KCNH1: variants seen among roughly 807,000 people sequenced by gnomAD.
The protein encoded by KCNH1 is voltage-gated delayed rectifier potassium channel KCNH1.
A neutral mutation model predicts 69.2 loss-of-function variants in KCNH1; 27 were observed. That is an observed-to-expected ratio of 0.39 (90% CI 0.29 to 0.54). The LOEUF is 0.54. KCNH1 is among the 20% of genes least tolerant of loss of function. KCNH1 has a pLI of 0.68. For synonymous variants in KCNH1, 456 were observed against 487.7 expected (o/e 0.93, Z 0.86); for missense variants, 798 against 1,261.6 (o/e 0.63, Z 5.57).
At chr1:211,104,662 A>C (rs1571649957) in intron 2 of KCNH1, among the ~76,000 whole-genome samples, 1 of 152,172 alleles carries the variant, frequency 6.6e-6, no homozygotes. Context: ...TGGAATGTCC[A>C]GTTCTCTGAC....
intron 6 of KCNH1, among the ~76,000 whole-genome samples, chr1:210,945,500 G>A (rs571707215): frequency 6.6e-6 from 1 of 152,352 alleles, no homozygotes; most frequent in African/African-American, 2.4e-5. Flanking sequence ...TTCAGGATGT[G>A]TAGGAGGCCA....
chr1:210,780,278 G>A (rs1344846937), intron 9 of KCNH1, among the ~76,000 whole-genome samples: 1 of 152,174 alleles, frequency 6.6e-6, no homozygotes, highest in East Asian at 1.9e-4. Flanking sequence ...AGAAAAAAAT[G>A]AAATTTCTGG....
chr1:211,007,868 T>G (rs1315900798), intron 6 of KCNH1, among the ~76,000 whole-genome samples: 1 of 152,190 alleles, frequency 6.6e-6, no homozygotes, highest in Non-Finnish European at 1.5e-5. Context: ...ATGGCTACTC[T>G]CATCCATTAA....
At chr1:210,951,924 T>G (rs1484977492) in intron 6 of KCNH1, among the ~76,000 whole-genome samples, 1 of 152,154 alleles carries the variant, frequency 6.6e-6, no homozygotes, top group Non-Finnish European at 1.5e-5. Context: ...TCTTTGAGCT[T>G]TAAGCCATGC....
chr1:210,702,414 T>C (rs1377034599), intron 10 of KCNH1, among the ~76,000 whole-genome samples: 4 of 152,206 alleles, frequency 2.6e-5, no homozygotes, highest in Non-Finnish European at 5.9e-5. Context: ...TCCTTATTCT[T>C]TGTCTTTTTA....
At chr1:210,832,907 C>CATATATATATATATATTT (rs367619819) in intron 7 of KCNH1, among the ~76,000 whole-genome samples, 1 of 110,638 alleles carries the variant, frequency 9.0e-6, no homozygotes, top group Admixed American at 9.0e-5. Flanking sequence ...TTCTCAAATA[C>CATATATATATATATATTT]ATATATATAT....
At chr1:210,781,601 A>C (rs1683987691) in intron 9 of KCNH1, among the ~76,000 whole-genome samples, 1 of 152,174 alleles carries the variant, frequency 6.6e-6, no homozygotes, top group East Asian at 1.9e-4. Context: ...GGCAAGCCCT[A>C]AGCAGAATGT....
intron 5 of KCNH1, among the ~76,000 whole-genome samples, chr1:211,045,625 T>G (rs1385760409): frequency 6.6e-6 from 1 of 152,190 alleles, no homozygotes; most frequent in Non-Finnish European, 1.5e-5. Context: ...CACCACAATC[T>G]ATGCCATAAA....
rs535491403 is a variant in KCNH1 at position 210,801,262 on chromosome 1, G to A, written c.1662+2705C>T. Reference sequence around the variant, plus strand: ...CCAGCTAATAGCTGGTAAAACTGGGGTATCCCAGCACTACCACCCACATGC... The same window carrying A: ...CCAGCTAATAGCTGGTAAAACTGGGATATCCCAGCACTACCACCCACATGC... On this transcript the variant is annotated intron_variant, in intron 8 of 10. Transcript: ENST00000271751. 2.6e-5 allele frequency among the ~76,000 whole-genome samples: 4 copies of A among 152,350 alleles called. No homozygotes were observed. The South Asian group carries it at 8.3e-4, about 32-fold the overall frequency.
chr1:210,739,552 C>G (rs1425065069), intron 10 of KCNH1, among the ~76,000 whole-genome samples: 1 of 152,214 alleles, frequency 6.6e-6, no homozygotes, highest in East Asian at 1.9e-4. Flanking sequence ...CCTGAACATG[C>G]ACTGCTGGGC....
At chr1:210,844,184 A>G (rs1332352892) in intron 7 of KCNH1, among the ~76,000 whole-genome samples, 1 of 152,220 alleles carries the variant, frequency 6.6e-6, no homozygotes, top group African/African-American at 2.4e-5. Context: ...GATAATGTAT[A>G]TAAAAGTTCC....
chr1:211,062,836 G>A (rs1200325876), intron 5 of KCNH1, among the ~76,000 whole-genome samples: 1 of 152,186 alleles, frequency 6.6e-6, no homozygotes, highest in East Asian at 1.9e-4. Context: ...GGAGGAAAGG[G>A]AATCCTCATA....
chr1:211,098,611 C>G (rs963570237), intron 3 of KCNH1, among the ~76,000 whole-genome samples: 33 of 151,918 alleles, frequency 2.2e-4, no homozygotes, highest in African/African-American at 8.0e-4. Flanking sequence ...ACAAACCCTA[C>G]AGAATGAGAC....
Position 210,995,941 on chromosome 1 carries a change from G to A in KCNH1, c.1032+22842C>T, listed in dbSNP as rs571821016. 2.0e-5 allele frequency among the ~76,000 whole-genome samples: 3 copies of A among 152,270 alleles called. No individual in the cohort carries two copies. The East Asian group carries it at 5.8e-4, about 29-fold the overall frequency. ...ACCTGGCTCAGAGGAATCAGAAAAA[G>A]TATCTCGAGTAAAGGAACCCCTGAG... On this transcript the variant is annotated intron_variant, in intron 6 of 10. Transcript: ENST00000271751.
chr1:210,959,552 T>C (rs1177221156), intron 6 of KCNH1, among the ~76,000 whole-genome samples: 1 of 152,208 alleles, frequency 6.6e-6, no homozygotes, highest in East Asian at 1.9e-4. Context: ...GTAGGCCTTG[T>C]TGAGCTGCAG....
At chr1:210,987,011 C>T (rs1688852390) in intron 6 of KCNH1, among the ~76,000 whole-genome samples, 1 of 152,104 alleles carries the variant, frequency 6.6e-6, no homozygotes, top group East Asian at 1.9e-4. Flanking sequence ...CTAAACTTCC[C>T]TTCTCACTTC....
chr1:211,016,204 TC>T (rs899903625), intron 6 of KCNH1, among the ~76,000 whole-genome samples: 2 of 152,084 alleles, frequency 1.3e-5, no homozygotes, highest in Non-Finnish European at 2.9e-5. Flanking sequence ...TGGAAGGAGT[TC>T]CAACCCAACA....
rs537226405 is a variant in KCNH1 at position 210,845,060 on chromosome 1, C to T, written c.1463-40894G>A. On this transcript the variant is annotated intron_variant, in intron 7 of 10. Transcript: ENST00000271751. ...TTGAATCTCTGAATAGACCAATAAC[C>T]GGCTCTGAAATTGAGGCAATAATCA... Among the ~76,000 whole-genome samples, 387 of 152,064 alleles carry T rather than the reference C, an allele frequency of 2.5e-3. 2 individuals are homozygous for T. Among genetic ancestry groups the T allele is most frequent in the African/African-American group, 8.8e-3 (364 of 41,508 alleles).
chr1:210,928,525 T>C (rs1687618009), intron 6 of KCNH1, among the ~76,000 whole-genome samples: 3 of 152,042 alleles, frequency 2.0e-5, no homozygotes, highest in Admixed American at 6.6e-5. Context: ...CAAACAACAA[T>C]AGTGAAACAA....
Sources: gnomAD v4.1 joint callset for allele counts (sites outside exome capture counted in the v4.1 genomes callset) on GRCh38, gnomAD v4.1.1 for gene constraint, MANE v1.5 for transcripts, NCBI Gene and HGNC (gene_info 2026-07-23, HGNC 2026-07-21) for gene names.